TXNDC11: variants seen among roughly 807,000 people sequenced by gnomAD.
TXNDC11 encodes the protein thioredoxin domain containing 11.
A neutral mutation model predicts 78.0 loss-of-function variants in TXNDC11; 68 were observed. That is an observed-to-expected ratio of 0.87 (90% CI 0.72 to 1.07). TXNDC11 has a LOEUF of 1.07. Ranked by LOEUF, TXNDC11 falls within the 50% of genes least tolerant of loss-of-function variation. The pLI, the probability that TXNDC11 is intolerant of heterozygous loss-of-function variation, is 0.00. For missense variants in TXNDC11, 1,389 were observed against 1,221.8 expected (o/e 1.14, Z -2.04); for synonymous variants, 571 against 495.2 (o/e 1.15, Z -2.03).
rs915775900 is a variant in TXNDC11 at position 11,742,814 on chromosome 16, G to A, written c.-84C>T. Reference sequence around the variant, plus strand: ...GCCCGGCCCGTTGCTCCCCAATCCCGCAGCTCGCCGCACCCGCTAACCCGG... The same window carrying A: ...GCCCGGCCCGTTGCTCCCCAATCCCACAGCTCGCCGCACCCGCTAACCCGG... On this transcript the variant is annotated 5_prime_UTR_variant, in exon 1 of 12. Coordinates refer to ENST00000283033, the MANE Select transcript of TXNDC11 (RefSeq NM_015914.7). The A allele has an allele frequency of 8.0e-6, 11 of 1,370,132 alleles. No homozygotes were observed. The highest frequency in any genetic ancestry group is 1.9e-5 in the South Asian group (1 of 53,942). 84.9% of individuals were successfully genotyped at this position (1,370,132 alleles called of 1,614,324 possible). A position where few individuals can be genotyped will look rare whatever the true frequency, so the allele number is the denominator to read the frequency against.
At chr16:11,724,773 T>A (rs531469686) in intron 4 of TXNDC11, among the ~76,000 whole-genome samples, 1 of 152,056 alleles carries the variant, frequency 6.6e-6, no homozygotes, top group South Asian at 2.1e-4. Flanking sequence ...GGAGACAGAG[T>A]CTTTCTCTGT....
intron 4 of TXNDC11, among the ~76,000 whole-genome samples, chr16:11,728,545 TG>T (rs2051951332): frequency 6.6e-6 from 1 of 152,206 alleles, no homozygotes; most frequent in Non-Finnish European, 1.5e-5. Context: ...CTAAGTGGGC[TG>T]CCAAAAAACT....
intron 4 of TXNDC11, among the ~76,000 whole-genome samples, chr16:11,722,146 G>C (rs765402291): frequency 6.6e-6 from 1 of 152,092 alleles, no homozygotes; most frequent in Non-Finnish European, 1.5e-5. Flanking sequence ...ACACTTTGCT[G>C]GAAATCAGGG....
intron 7 of TXNDC11, among the ~76,000 whole-genome samples, chr16:11,697,861 G>A (rs972741716): frequency 1.3e-5 from 2 of 152,194 alleles, no homozygotes; most frequent in Admixed American, 6.5e-5. Context: ...GAAGGGCACG[G>A]TGTGGCTTCC....
intron 7 of TXNDC11, among the ~76,000 whole-genome samples, chr16:11,693,454 T>G (rs1236524775): frequency 6.6e-6 from 1 of 152,160 alleles, no homozygotes; most frequent in Non-Finnish European, 1.5e-5. Context: ...GGATTTTGTT[T>G]CGCTGTGTGT....
At chr16:11,692,354 T>C (rs1259288094) in intron 7 of TXNDC11, 1 of 370,110 alleles carries the variant, frequency 2.7e-6, no homozygotes, top group Non-Finnish European at 4.9e-6. Context: ...TGTTACTTAG[T>C]AGCCAACGCA....
At chr16:11,703,100 CAATT>C (rs2051079312) in intron 5 of TXNDC11, among the ~76,000 whole-genome samples, 1 of 152,072 alleles carries the variant, frequency 6.6e-6, no homozygotes, top group African/African-American at 2.4e-5. Flanking sequence ...CAAAATTAAA[CAATT>C]AGTTAAAACC....
chr16:11,681,253 C>T (rs758336609), intron 11 of TXNDC11, among the ~76,000 whole-genome samples: 2 of 152,226 alleles, frequency 1.3e-5, no homozygotes, highest in East Asian at 1.9e-4. Context: ...GAATACCAGA[C>T]GCTGGACCTG....
chr16:11,732,696 G>C (rs1160710080), intron 3 of TXNDC11, among the ~76,000 whole-genome samples: 1 of 152,170 alleles, frequency 6.6e-6, no homozygotes, highest in Non-Finnish European at 1.5e-5. Flanking sequence ...GTAGAAAAGT[G>C]TGTTTTTGCC....
intron 10 of TXNDC11, among the ~76,000 whole-genome samples, chr16:11,684,457 G>A (rs1347571284): frequency 1.3e-5 from 2 of 152,142 alleles, no homozygotes; most frequent in Non-Finnish European, 2.9e-5. Flanking sequence ...TCCACTGAGT[G>A]GCAATGTGAT....
rs147831441 is a variant in TXNDC11, at chr16:11,684,982, G to A, written c.2154-737C>T. Among the ~76,000 whole-genome samples the A allele has an allele frequency of 9.8e-3, 1,489 of 152,374 alleles. 24 individuals carry two copies. The highest frequency in any genetic ancestry group is 0.078 in the South Asian group (376 of 4,830). Reference sequence around the variant, plus strand: ...CATGTTTTCAATCTTTACCTTGACAGAAGTTTTTAGAAAGCATAACTGGGG... The same window carrying A: ...CATGTTTTCAATCTTTACCTTGACAAAAGTTTTTAGAAAGCATAACTGGGG... On this transcript the variant is annotated intron_variant, in intron 10 of 11. Coordinates refer to ENST00000283033, the MANE Select transcript of TXNDC11 (RefSeq NM_015914.7).
chr16:11,686,528 C>T (rs1044730892), intron 10 of TXNDC11, among the ~76,000 whole-genome samples: 9 of 152,138 alleles, frequency 5.9e-5, no homozygotes, highest in African/African-American at 2.2e-4. Context: ...TAAATGTTGC[C>T]AAAATGCTTT....
At chr16:11,735,716 G>C (rs1010000654) in intron 2 of TXNDC11, among the ~76,000 whole-genome samples, 1 of 152,176 alleles carries the variant, frequency 6.6e-6, no homozygotes, top group African/African-American at 2.4e-5. Context: ...GGATATGCAA[G>C]AACTAGGATT....
At chr16:11,682,126 C>T (rs1463495275) in intron 11 of TXNDC11, among the ~76,000 whole-genome samples, 2 of 152,252 alleles carry the variant, frequency 1.3e-5, no homozygotes, top group African/African-American at 2.4e-5. Context: ...TGAAAAAGGT[C>T]TTACTACATG....
chr16:11,740,572 G>A (rs926559736), intron 1 of TXNDC11, among the ~76,000 whole-genome samples: 1 of 152,202 alleles, frequency 6.6e-6, no homozygotes, highest in Admixed American at 6.5e-5. Context: ...CCCTGGAGGG[G>A]GAAACCTCTC....
Position 11,691,440 on chromosome 16 carries a change from G to C in TXNDC11, c.1750C>G (p.Leu584Val). 1 of 1,614,214 alleles carries C rather than the reference G, an allele frequency of 6.2e-7. No homozygotes were observed. The highest frequency in any genetic ancestry group is 8.5e-7 in the Non-Finnish European group (1 of 1,180,036). ...AACCAAAACAAATTTGAATCCAAAA[G>C]GTAGATGTTGAGAGTCTTGTTGGTT... Reference protein sequence around the residue: ...CRTNKTLNIYLLDSNLFWLYA... With the variant: ...CRTNKTLNIYVLDSNLFWLYA... Residue 584 changes from leucine (L) to valine (V), a missense_variant, in exon 8 of 12, where the codon CTT becomes GTT. Coordinates refer to ENST00000283033, the MANE Select transcript of TXNDC11 (RefSeq NM_015914.7).
rs879331283 is a variant in TXNDC11 at position 11,737,444 on chromosome 16, T to TA, written c.255-1212dup. 1.2e-3 allele frequency among the ~76,000 whole-genome samples: 134 copies of TA among 111,420 alleles called. 1 individual carries two copies. Among genetic ancestry groups the TA allele is most frequent in the Admixed American group, 5.4e-3 (59 of 10,920 alleles). The allele number at this position is 111,420 out of a possible 152,430, so 73.1% of individuals were successfully genotyped here. A position where few individuals can be genotyped will look rare whatever the true frequency, so the allele number is the denominator to read the frequency against. Reference sequence around the variant, plus strand: ...TAGGTGACTAGAACAAAACTCCATCTAAAAAAAAAAAAAAGAAAGAAAGTA... The same window carrying TA: ...TAGGTGACTAGAACAAAACTCCATCTAAAAAAAAAAAAAAAGAAAGAAAGTA... On this transcript the variant is annotated intron_variant, in intron 1 of 11. Coordinates refer to ENST00000283033, the MANE Select transcript of TXNDC11 (RefSeq NM_015914.7).
chr16:11,684,180 A>T lies in TXNDC11; in HGVS notation c.2219T>A (p.Phe740Tyr). The T allele has an allele frequency of 6.2e-7, 1 of 1,613,876 alleles. No individual in the cohort carries two copies. The highest frequency in any genetic ancestry group is 2.2e-5 in the East Asian group (1 of 44,874). The change falls in exon 11 of 12, where the codon TTT becomes TAT. Residue 740 changes from phenylalanine to tyrosine, a missense_variant. Coordinates refer to ENST00000283033, the MANE Select transcript of TXNDC11 (RefSeq NM_015914.7). ...FMVDRLPTVL[F>Y]FPCNRKDLSV... ...TTGGCATTACCTGTTGCAGGGAAAA[A>T]ACAAGACAGTAGGAAGACGATCGAC...
At chr16:11,715,321 G>A (rs2051496823) in intron 5 of TXNDC11, among the ~76,000 whole-genome samples, 1 of 152,090 alleles carries the variant, frequency 6.6e-6, no homozygotes, top group South Asian at 2.1e-4. Context: ...AAAAAAAATT[G>A]TTGTAACTTG....
Sources: gnomAD v4.1 joint callset for allele counts (sites outside exome capture counted in the v4.1 genomes callset) on GRCh38, gnomAD v4.1.1 for gene constraint, MANE v1.5 for transcripts, NCBI Gene and HGNC (gene_info 2026-07-23, HGNC 2026-07-21) for gene names.